Variants in ZNF148 observed in about 807,000 individuals in gnomAD.
The protein encoded by ZNF148 is Beta-Enolase Repressor Factor-1.
A neutral mutation model predicts 67.7 loss-of-function variants in ZNF148; 7 were observed. The ratio of observed to expected loss-of-function variants is 0.10; its 90% CI spans 0.06 to 0.19. ZNF148 has a LOEUF of 0.19. Among genes scored for constraint, ZNF148 ranks in the 10% least tolerant of loss-of-function variants. The probability of loss-of-function intolerance (pLI) is 1.00; values close to 1 mark genes in which losing one functional copy is unlikely to be tolerated. For missense variants in ZNF148, 583 were observed against 947.1 expected (o/e 0.62, Z 5.05); for synonymous variants, 333 against 330.7 (o/e 1.01, Z -0.08).
chr3:125,248,498 C>T (rs1040847506), intron 7 of ZNF148, among the ~76,000 whole-genome samples: 2 of 152,106 alleles, frequency 1.3e-5, no homozygotes, highest in Admixed American at 6.5e-5. Context: ...CGGCTTTCTT[C>T]CCTTTAAAAA....
intron 7 of ZNF148, among the ~76,000 whole-genome samples, chr3:125,236,833 C>A (rs1936115479): frequency 6.6e-6 from 1 of 152,090 alleles, no homozygotes; most frequent in Admixed American, 6.6e-5. Context: ...TACAATGGGG[C>A]TCCAAGTAAG....
chr3:125,260,398 T>C (rs889605902), intron 7 of ZNF148, among the ~76,000 whole-genome samples: 8 of 152,094 alleles, frequency 5.3e-5, no homozygotes, highest in Admixed American at 5.2e-4. Flanking sequence ...GCAATATCAC[T>C]CCAAGGTATT....
chr3:125,254,081 T>C (rs939766318), intron 7 of ZNF148, among the ~76,000 whole-genome samples: 1 of 152,212 alleles, frequency 6.6e-6, no homozygotes, highest in African/African-American at 2.4e-5. Flanking sequence ...GCATTTAGTA[T>C]ATACAGAATT....
intron 7 of ZNF148, among the ~76,000 whole-genome samples, chr3:125,269,375 T>C (rs1937618090): frequency 6.7e-6 from 1 of 148,302 alleles, no homozygotes. Context: ...AGCAACATCA[T>C]CTTTAAAAAA....
At chr3:125,370,274 G>C (rs959091839) in intron 1 of ZNF148, among the ~76,000 whole-genome samples, 1 of 151,898 alleles carries the variant, frequency 6.6e-6, no homozygotes, top group Admixed American at 6.6e-5. Flanking sequence ...AAATCTAAAG[G>C]TCCTCTCCAG....
At chr3:125,256,920 C>T (rs987718819) in intron 7 of ZNF148, among the ~76,000 whole-genome samples, 15 of 146,764 alleles carry the variant, frequency 1.0e-4, no homozygotes, top group South Asian at 4.2e-4. Flanking sequence ...AACTTATGTG[C>T]AATGTTTTTT....
At chr3:125,326,313 A>T (rs1373342136) in intron 2 of ZNF148, among the ~76,000 whole-genome samples, 3 of 152,148 alleles carry the variant, frequency 2.0e-5, no homozygotes, top group African/African-American at 7.2e-5. Context: ...TAAAGCAATG[A>T]TCACGACACT....
chr3:125,319,068 AAC>A (rs1940654057), intron 3 of ZNF148, among the ~76,000 whole-genome samples: 6 of 152,024 alleles, frequency 3.9e-5, no homozygotes, highest in African/African-American at 1.4e-4. Context: ...GTAAAAGCCT[AAC>A]TGCAGTGGCT....
intron 7 of ZNF148, among the ~76,000 whole-genome samples, chr3:125,259,734 G>A (rs968254907): frequency 1.3e-5 from 2 of 152,200 alleles, no homozygotes; most frequent in Admixed American, 6.5e-5. Flanking sequence ...GGCTGAGGAA[G>A]GCAGACCACT....
intron 7 of ZNF148, among the ~76,000 whole-genome samples, chr3:125,235,190 A>G (rs1178579166): frequency 6.6e-6 from 1 of 152,214 alleles, no homozygotes; most frequent in Non-Finnish European, 1.5e-5. Context: ...TTTTTACCAA[A>G]TACTACTACT....
chr3:125,283,021 A>C (rs1471870224), intron 5 of ZNF148, among the ~76,000 whole-genome samples: 1 of 152,162 alleles, frequency 6.6e-6, no homozygotes, highest in Non-Finnish European at 1.5e-5. Flanking sequence ...CCAAAACTCA[A>C]AAGACTAATT....
intron 7 of ZNF148, among the ~76,000 whole-genome samples, chr3:125,271,550 C>T (rs1399135771): frequency 6.6e-6 from 1 of 152,218 alleles, no homozygotes; most frequent in African/African-American, 2.4e-5. Flanking sequence ...TGGTTAAGGG[C>T]ACAAACTTCG....
chr3:125,269,461 A>AC (rs1937623650), intron 7 of ZNF148, among the ~76,000 whole-genome samples: 1 of 151,556 alleles, frequency 6.6e-6, no homozygotes, highest in African/African-American at 2.4e-5. Flanking sequence ...AAAAAAAAAA[A>AC]CATGTTGGCG....
At chr3:125,234,113 G>T in intron 8 of ZNF148, 98 bp downstream of exon 8, 4 of 1,203,516 alleles carry the variant, frequency 3.3e-6, no homozygotes, top group Non-Finnish European at 4.6e-6. Flanking sequence ...GAGTTAGAAG[G>T]CCCCTTAAAT....
At chr3:125,352,679 AAG>A (rs1456726137) in intron 1 of ZNF148, among the ~76,000 whole-genome samples, 3 of 151,640 alleles carry the variant, frequency 2.0e-5, no homozygotes, top group Admixed American at 6.6e-5. Flanking sequence ...AAAAAAAAAA[AAG>A]ATCTTCTCAA....
rs975408461 is a variant in ZNF148 at position 125,331,201 on chromosome 3, G to A, written c.-196C>T. Reference sequence around the variant, plus strand: ...GCAAACGCCCATCCCGCCAGATCACGTGCTTGAATTTCCAAGCTGCTGATT... The same window carrying A: ...GCAAACGCCCATCCCGCCAGATCACATGCTTGAATTTCCAAGCTGCTGATT... On this transcript the variant is annotated 5_prime_UTR_variant, in exon 2 of 9. In the 5' UTR this introduces an upstream ATG that the reference lacks. Transcript: ENST00000360647. 3 of 398,452 alleles carry A rather than the reference G, an allele frequency of 7.5e-6. No individual in the cohort carries two copies. Among genetic ancestry groups the A allele is most frequent in the East Asian group, 7.1e-5 (2 of 28,062 alleles). The allele number at this position is 398,452 out of a possible 1,614,324, so 24.7% of individuals were successfully genotyped here.
chr3:125,271,281 C>T (rs1309098422), intron 7 of ZNF148, among the ~76,000 whole-genome samples: 1 of 152,200 alleles, frequency 6.6e-6, no homozygotes, highest in Non-Finnish European at 1.5e-5. Context: ...CTCTCCCCGT[C>T]CTTCCTGCTT....
intron 7 of ZNF148, among the ~76,000 whole-genome samples, chr3:125,260,371 A>G (rs2168238): frequency 0.77 from 117,205 of 151,932 alleles, 45,754 homozygotes; most frequent in African/African-American, 0.85. Context: ...ATGCCTGTCC[A>G]TCTATCATAT....
chr3:125,313,263 A>G, intron 4 of ZNF148, 45 bp downstream of exon 4: 1 of 1,516,750 alleles, frequency 6.6e-7, no homozygotes, highest in Non-Finnish European at 8.9e-7. Context: ...TACGTAACAA[A>G]AAATTATGTT....
Sources: gnomAD v4.1 joint callset for allele counts (sites outside exome capture counted in the v4.1 genomes callset) on GRCh38, gnomAD v4.1.1 for gene constraint, MANE v1.5 for transcripts, NCBI Gene and HGNC (gene_info 2026-07-23, HGNC 2026-07-21) for gene names.